Variants in HNRNPH1 observed in about 807,000 individuals in gnomAD.
HNRNPH1 encodes heterogeneous nuclear ribonucleoprotein H1.
In HNRNPH1, 4 loss-of-function variants were observed where a neutral mutation model predicts 58.6. The ratio of observed to expected loss-of-function variants is 0.07; its 90% CI spans 0.03 to 0.16. The LOEUF (loss-of-function observed/expected upper bound fraction) is 0.16, where lower values mean the gene tolerates loss of function less well. Among genes scored for constraint, HNRNPH1 ranks in the 10% least tolerant of loss-of-function variants. The probability of loss-of-function intolerance (pLI) is 1.00; values close to 1 mark genes in which losing one functional copy is unlikely to be tolerated. For synonymous variants in HNRNPH1, 192 were observed against 189.2 expected (o/e 1.01, Z -0.12); for missense variants, 271 against 564.2 (o/e 0.48, Z 5.26).
exon 1 of HNRNPH1, chr5:179,623,304 G>T (rs1386457618): frequency 4.2e-6 from 2 of 470,940 alleles, no homozygotes; most frequent in Non-Finnish European, 8.0e-6. Context: ...ACACCTCCTC[G>T]TCCGGCGACC....
rs544306478 is a variant in HNRNPH1 at position 179,614,915 on chromosome 5, G to A, written c.*45C>T. On this transcript the variant is annotated 3_prime_UTR_variant, in exon 13 of 13. Coordinates refer to ENST00000356731, the Ensembl canonical transcript of HNRNPH1. ...ATTCCGTTCACGCCCATAGATGCAC[G>A]GCTTCCACTACTGTAGTAGCTGCTG... 1.0e-5 allele frequency: 16 copies of A among 1,550,066 alleles called. No homozygotes were observed. The highest frequency in any genetic ancestry group is 7.1e-5 in the South Asian group (6 of 84,054).
chr5:179,619,858 CATTAA>C (rs1250446536), intron 3 of HNRNPH1: 3 of 152,354 alleles, frequency 2.0e-5, no homozygotes, highest in Non-Finnish European at 4.4e-5. Flanking sequence ...AAAACTGAAA[CATTAA>C]ATTATAATTG....
intron 7 of HNRNPH1, 21 bp downstream of exon 8, chr5:179,617,778 G>GT: frequency 6.2e-7 from 1 of 1,612,714 alleles, no homozygotes; most frequent in Non-Finnish European, 8.5e-7. Flanking sequence ...ATATTGACTT[G>GT]TGAGTTCATC....
exon 1 of HNRNPH1, chr5:179,624,188 G>GGGATAAAAT (rs1198236676): frequency 3.8e-6 from 1 of 261,422 alleles, no homozygotes; most frequent in African/African-American, 2.2e-5. Flanking sequence ...CCCCAAACCG[G>GGGATAAAAT]CCGAAGCTGG....
intron 2 of HNRNPH1, among the ~76,000 whole-genome samples, chr5:179,630,883 C>G (rs1230827943): frequency 6.6e-6 from 1 of 150,982 alleles, no homozygotes; most frequent in African/African-American, 2.4e-5. Flanking sequence ...TGCACTCCAG[C>G]CTGGGCGACA....
At chr5:179,617,323 GT>G in intron 8 of HNRNPH1, 190 bp downstream of exon 9, 1 of 735,560 alleles carries the variant, frequency 1.4e-6, no homozygotes, top group Non-Finnish European at 2.2e-6. Context: ...ACTTCAAGAT[GT>G]GCATATCACA....
At chr5:179,628,361 T>C (rs1168449558), upstream of HNRNPH1, among the ~76,000 whole-genome samples, 1 of 152,172 alleles carries the variant, frequency 6.6e-6, no homozygotes, top group African/African-American at 2.4e-5. Flanking sequence ...TTTGTATTTA[T>C]TTATTTATTT....
intron 1 of HNRNPH1, 141 bp from the exon 3 acceptor site, chr5:179,621,538 C>T: frequency 1.6e-6 from 1 of 640,670 alleles, no homozygotes; most frequent in Non-Finnish European, 2.7e-6. Flanking sequence ...ATATTACCAA[C>T]TCCTAAAACT....
chr5:179,626,443 G>A (rs573252443), upstream of HNRNPH1, among the ~76,000 whole-genome samples: 3 of 151,094 alleles, frequency 2.0e-5, no homozygotes, highest in South Asian at 4.2e-4. Context: ...ATCAGCCCAC[G>A]CGTGGGGCTC....
chr5:179,630,836 G>A (rs1433153112), intron 2 of HNRNPH1, among the ~76,000 whole-genome samples: 1 of 151,534 alleles, frequency 6.6e-6, no homozygotes, highest in African/African-American at 2.4e-5. Flanking sequence ...GCGTGAACCC[G>A]GGAGGCAGAG....
At chr5:179,625,223 C>T (rs897200685), upstream of HNRNPH1, among the ~76,000 whole-genome samples, 11 of 152,106 alleles carry the variant, frequency 7.2e-5, no homozygotes, top group Admixed American at 6.6e-5. Context: ...CGGCCAGGTG[C>T]GGTGGCTCAC....
rs539505991 is a variant in HNRNPH1, at chr5:179,616,977, C to T, written c.1118-19G>A. Reference sequence around the variant, plus strand: ...CTGTGTTCTGAAATGAGAGAAAAGGCATACAAGGTTAGCTTAAAAAAAAGA... The same window carrying T: ...CTGTGTTCTGAAATGAGAGAAAAGGTATACAAGGTTAGCTTAAAAAAAAGA... On this transcript the variant is annotated intron_variant, in intron 9 of 12. Transcript: ENST00000356731. The T allele has an allele frequency of 1.3e-3, 1,937 of 1,536,172 alleles. 12 individuals are homozygous for T. Among genetic ancestry groups the T allele is most frequent in the Non-Finnish European group, 1.4e-3 (1,616 of 1,129,036 alleles).
intron 4 of HNRNPH1, 156 bp from the exon 6 acceptor site, chr5:179,618,479 C>G: frequency 2.1e-6 from 1 of 487,184 alleles, no homozygotes; most frequent in Non-Finnish European, 3.5e-6. Context: ...AGGCAATGAC[C>G]AGAAATTCAC....
chr5:179,617,461 TGTTAGTCACACAATCACCTGTTA>T, intron 8 of HNRNPH1, 30 bp downstream of exon 9: 1 of 1,573,680 alleles, frequency 6.4e-7, no homozygotes, highest in Non-Finnish European at 8.7e-7. Context: ...CTATTGTAAA[TGTTAGTCACACAATCACCTGTTA>T]AGAGCCCACA....
At chr5:179,627,174 T>G (rs768886496), upstream of HNRNPH1, among the ~76,000 whole-genome samples, 8 of 152,146 alleles carry the variant, frequency 5.3e-5, no homozygotes, top group Non-Finnish European at 1.2e-4. Flanking sequence ...TCAGTTTGCT[T>G]ACCTTTTAAT....
At chr5:179,621,554 TA>T (rs1170850017) in intron 1 of HNRNPH1, 157 bp from the exon 3 acceptor site, 44 of 589,200 alleles carry the variant, frequency 7.5e-5, no homozygotes, top group South Asian at 1.6e-4. Context: ...AAACTCCAAT[TA>T]AAAAAAAACA....
intron 1 of HNRNPH1, among the ~76,000 whole-genome samples, chr5:179,622,416 A>G (rs1052295792): frequency 4.6e-5 from 7 of 152,210 alleles, no homozygotes; most frequent in Non-Finnish European, 1.0e-4. Context: ...ATCCTTTCGA[A>G]AAAAGACACC....
chr5:179,632,753 C>CTTT (rs752554745), intron 2 of HNRNPH1, among the ~76,000 whole-genome samples: 1,208 of 91,980 alleles, frequency 0.013, 162 homozygotes, highest in African/African-American at 0.039. Flanking sequence ...AATCAAATAT[C>CTTT]TTTTTTTTTT....
At chr5:179,615,233 T>G in intron 12 of HNRNPH1, 1 of 426,098 alleles carries the variant, frequency 2.3e-6, no homozygotes, top group Non-Finnish European at 4.2e-6. Context: ...AAAACTAGTG[T>G]TTTTCAAAAA....
Sources: gnomAD v4.1 joint callset for allele counts (sites outside exome capture counted in the v4.1 genomes callset) on GRCh38, gnomAD v4.1.1 for gene constraint, MANE v1.5 for transcripts, NCBI Gene and HGNC (gene_info 2026-07-23, HGNC 2026-07-21) for gene names.